Variants in THSD7B observed in about 807,000 individuals in gnomAD.
The protein encoded by THSD7B is thrombospondin type-1 domain-containing protein 7B.
Under a neutral mutation model 213.6 loss-of-function variants are expected in THSD7B, and 138 were observed. The observed-to-expected ratio is 0.65, with a 90% CI of 0.56 to 0.74. The LOEUF (loss-of-function observed/expected upper bound fraction) is 0.74, where lower values mean the gene tolerates loss of function less well. Ranked by LOEUF, THSD7B falls within the 30% of genes least tolerant of loss-of-function variation. The pLI, the probability that THSD7B is intolerant of heterozygous loss-of-function variation, is 0.00. For missense variants in THSD7B, 1,931 were observed against 1,991.5 expected (o/e 0.97, Z 0.58); for synonymous variants, 742 against 687.0 (o/e 1.08, Z -1.25).
chr2:137,475,840 G>C (rs1688180407), intron 15 of THSD7B, among the ~76,000 whole-genome samples: 1 of 152,128 alleles, frequency 6.6e-6, no homozygotes, highest in African/African-American at 2.4e-5. Flanking sequence ...ACCCAGTAGT[G>C]AGAGTGCTGG....
chr2:137,167,928 C>T (rs541380581), intron 6 of THSD7B, among the ~76,000 whole-genome samples: 1 of 152,306 alleles, frequency 6.6e-6, no homozygotes, highest in Non-Finnish European at 1.5e-5. Flanking sequence ...CGACTTTAAT[C>T]TTTTCTTGTG....
intron 7 of THSD7B, among the ~76,000 whole-genome samples, chr2:137,204,791 A>G (rs1680949129): frequency 6.6e-6 from 1 of 151,412 alleles, no homozygotes; most frequent in African/African-American, 2.4e-5. Context: ...AGTATGTGTC[A>G]TTTTTCATAG....
At chr2:137,032,624 C>T (rs1310436293) in intron 2 of THSD7B, among the ~76,000 whole-genome samples, 1 of 152,140 alleles carries the variant, frequency 6.6e-6, no homozygotes, top group Non-Finnish European at 1.5e-5. Flanking sequence ...TATAAAAGTT[C>T]TTGTAGGCAG....
At position 137,170,817 on chromosome 2, in the gene THSD7B, T is replaced by C. The variant is rs1558945886; in HGVS notation, c.1602T>C (p.Ser534=). ...PAGHCPHLVE[S]VPCEDPMCYR... is the part of the protein sequence containing the mutation. ...GGCATTGCCCTCATTTGGTGGAGTCTGTTCCTTGTGAGGATCCAATGTGCT... is the reference window on the plus strand; with the variant it reads ...GGCATTGCCCTCATTTGGTGGAGTCCGTTCCTTGTGAGGATCCAATGTGCT... Residue 534 remains serine, a synonymous_variant, in exon 7 of 28, where the codon TCT becomes TCC. Coordinates refer to ENST00000409968, the MANE Select transcript of THSD7B (RefSeq NM_001316349.2). 2.5e-6 allele frequency: 4 copies of C among 1,613,666 alleles called. No individual in the cohort carries two copies. The highest frequency in any genetic ancestry group is 3.4e-6 in the Non-Finnish European group (4 of 1,179,786).
intron 12 of THSD7B, among the ~76,000 whole-genome samples, chr2:137,353,053 C>A (rs1305702623): frequency 6.6e-6 from 1 of 151,984 alleles, no homozygotes; most frequent in African/African-American, 2.4e-5. Context: ...AAGGAGACTA[C>A]ACAACTCTTA....
intron 2 of THSD7B, among the ~76,000 whole-genome samples, chr2:136,906,196 G>T (rs556120478): frequency 1.3e-5 from 2 of 152,218 alleles, no homozygotes; most frequent in East Asian, 3.9e-4. Flanking sequence ...AGTTTTAAGA[G>T]AATCTGATTC....
intron 5 of THSD7B, among the ~76,000 whole-genome samples, chr2:137,116,967 G>GT (rs1688456374): frequency 6.6e-6 from 1 of 152,290 alleles, no homozygotes; most frequent in Middle Eastern, 3.4e-3. Context: ...TTAGAAAGCT[G>GT]TAAGTCTGAT....
At chr2:136,976,271 C>G (rs956217827) in intron 2 of THSD7B, among the ~76,000 whole-genome samples, 5 of 152,178 alleles carry the variant, frequency 3.3e-5, no homozygotes, top group African/African-American at 9.7e-5. Flanking sequence ...ATGCTTTCAG[C>G]TTTTGCCCAT....
rs188020052 is a variant in THSD7B at position 137,476,226 on chromosome 2, G to A, written c.3138+25203G>A. 2.6e-5 allele frequency among the ~76,000 whole-genome samples: 4 copies of A among 152,164 alleles called. No homozygotes were observed. In the East Asian group the frequency reaches 7.7e-4, roughly 29 times the overall value. On this transcript the variant is annotated intron_variant, in intron 15 of 27. Transcript: ENST00000409968. ...ATACTGGATATTATTATAGCATCCT[G>A]TTGAATAAATAGTTTGCAAATATTT...
rs116468020 is a variant in THSD7B at position 137,576,254 on chromosome 2, G to A, written c.3423+3698G>A. 4.0e-3 allele frequency among the ~76,000 whole-genome samples: 612 copies of A among 152,136 alleles called. 5 individuals are homozygous for A. The highest frequency in any genetic ancestry group is 0.014 in the African/African-American group (590 of 41,526). ...TGATATTGATAGGACAAGTGTATTG[G>A]AAGTGAATTTCCAAACTGTTGTATA... On this transcript the variant is annotated intron_variant, in intron 17 of 27. Transcript: ENST00000409968.
chr2:137,236,592 A>G (rs1234712498), intron 9 of THSD7B, among the ~76,000 whole-genome samples: 1 of 152,222 alleles, frequency 6.6e-6, no homozygotes, highest in Admixed American at 6.5e-5. Context: ...GTTCCTGATA[A>G]GGTACTTTCT....
chr2:137,585,148 G>T (rs182114780), intron 17 of THSD7B, among the ~76,000 whole-genome samples: 160 of 152,256 alleles, frequency 1.1e-3, no homozygotes, highest in African/African-American at 3.6e-3. Context: ...AGTATTCTCT[G>T]ATGGTAGTTT....
At chr2:137,461,226 C>T (rs1372495199) in intron 15 of THSD7B, among the ~76,000 whole-genome samples, 3 of 152,038 alleles carry the variant, frequency 2.0e-5, no homozygotes, top group Non-Finnish European at 2.9e-5. Flanking sequence ...CTATTCAGTA[C>T]ATGCCTAAGA....
intron 15 of THSD7B, among the ~76,000 whole-genome samples, chr2:137,476,378 A>G (rs1206933260): frequency 1.3e-5 from 2 of 152,094 alleles, no homozygotes; most frequent in Non-Finnish European, 2.9e-5. Flanking sequence ...GGTGTTACTC[A>G]TAAAATCTTT....
At chr2:136,796,831 GT>G (rs908516027) in intron 1 of THSD7B, among the ~76,000 whole-genome samples, 17 of 151,766 alleles carry the variant, frequency 1.1e-4, no homozygotes, top group African/African-American at 2.7e-4. Context: ...AAAGACTTGT[GT>G]TTTTTAATAG....
chr2:137,448,510 TA>T (rs751354343), intron 14 of THSD7B, among the ~76,000 whole-genome samples: 2 of 152,110 alleles, frequency 1.3e-5, no homozygotes, highest in Non-Finnish European at 2.9e-5. Context: ...TGAATGTGTT[TA>T]AAAACTACCC....
chr2:137,360,662 T>C (rs1685233539), intron 12 of THSD7B, among the ~76,000 whole-genome samples: 1 of 152,106 alleles, frequency 6.6e-6, no homozygotes, highest in Admixed American at 6.5e-5. Flanking sequence ...GGGAGGGGCG[T>C]CTGCCATTGC....
intron 10 of THSD7B, among the ~76,000 whole-genome samples, chr2:137,243,075 C>T (rs1230805675): frequency 6.6e-6 from 1 of 152,158 alleles, no homozygotes; most frequent in South Asian, 2.1e-4. Flanking sequence ...TTTCTTTATT[C>T]TTAATGGTGA....
chr2:137,412,623 A>AAAAAAAAAAAC (rs1573611118), intron 14 of THSD7B, among the ~76,000 whole-genome samples: 12 of 126,282 alleles, frequency 9.5e-5, no homozygotes, highest in East Asian at 2.3e-4. Flanking sequence ...AAAAAAAACA[A>AAAAAAAAAAAC]AAAACAGTTT....
Sources: gnomAD v4.1 joint callset for allele counts (sites outside exome capture counted in the v4.1 genomes callset) on GRCh38, gnomAD v4.1.1 for gene constraint, MANE v1.5 for transcripts, NCBI Gene and HGNC (gene_info 2026-07-23, HGNC 2026-07-21) for gene names.